The following CCDC134 variants were observed in gnomAD, a reference collection of about 807,000 sequenced individuals.
CCDC134 encodes the protein coiled-coil domain containing 134.
CCDC134 carries 27 observed loss-of-function variants against 25.6 expected under a neutral mutation model. The observed-to-expected ratio is 1.05, with a 90% CI of 0.78 to 1.45. The LOEUF is 1.45. Among genes scored for constraint, CCDC134 ranks in the 40% most tolerant of loss-of-function variants. The probability of loss-of-function intolerance (pLI) is 0.00; values close to 1 mark genes in which losing one functional copy is unlikely to be tolerated. For missense variants in CCDC134, 261 were observed against 286.7 expected (o/e 0.91, Z 0.65); for synonymous variants, 110 against 115.0 (o/e 0.96, Z 0.28).
chr22:41,815,448 A>G (rs1003140536), intron 6 of CCDC134, among the ~76,000 whole-genome samples: 8 of 151,348 alleles, frequency 5.3e-5, no homozygotes, highest in Non-Finnish European at 7.4e-5. Context: ...CGCGTGATCC[A>G]CCCGCCTCGG....
intron 1 of CCDC134, among the ~76,000 whole-genome samples, chr22:41,803,110 G>A (rs184211904): frequency 4.0e-5 from 6 of 151,774 alleles, no homozygotes; most frequent in Admixed American, 1.3e-4. Flanking sequence ...GCGAAACTCC[G>A]TCTCAAAAAA....
chr22:41,814,203 A>G (rs1347153674), intron 6 of CCDC134, among the ~76,000 whole-genome samples: 1 of 152,188 alleles, frequency 6.6e-6, no homozygotes, highest in Non-Finnish European at 1.5e-5. Context: ...ACTCCTGTAC[A>G]TGCTCTCATT....
At chr22:41,823,191 A>G (rs1183868792) in intron 6 of CCDC134, among the ~76,000 whole-genome samples, 1 of 150,668 alleles carries the variant, frequency 6.6e-6, no homozygotes, top group Non-Finnish European at 1.5e-5. Context: ...TTACTACAGC[A>G]TATTTCTGGT....
At chr22:41,809,383 C>T (rs2076583342) in intron 2 of CCDC134, among the ~76,000 whole-genome samples, 1 of 152,168 alleles carries the variant, frequency 6.6e-6, no homozygotes, top group African/African-American at 2.4e-5. Flanking sequence ...TTTGAGGTGT[C>T]CATAAGCCCA....
At position 41,813,362 on chromosome 22, in the gene CCDC134, A is replaced by G. The variant is rs766574164; in HGVS notation, c.409A>G (p.Asn137Asp). 1.2e-5 allele frequency: 20 copies of G among 1,613,998 alleles called. No individual in the cohort carries two copies. The highest frequency in any genetic ancestry group is 1.6e-5 in the Non-Finnish European group (19 of 1,180,050). ...HYYFDHNSNW[N>D]LLIRWGISFC... ...TTACTTTGACCACAACTCCAACTGG[A>G]ACCTCCTCATCCGCTGGGGTATCAG... Residue 137 changes from asparagine to aspartate, a missense_variant, in exon 5 of 7, where the codon AAC (asparagine) becomes GAC (aspartate). Asn to Asp is a conservative substitution (Grantham distance 23, BLOSUM62 1). Transcript: ENST00000255784.
At chr22:41,803,454 A>G (rs201154771) in intron 1 of CCDC134, among the ~76,000 whole-genome samples, 1 of 152,222 alleles carries the variant, frequency 6.6e-6, no homozygotes, top group East Asian at 1.9e-4. Context: ...AAATTTAAAA[A>G]GTAATAGGTA....
In CCDC134 at chr22:41,827,844, G is replaced by T. The variant is rs977079835; in HGVS notation, c.*2021G>T. On this transcript the variant is annotated 3_prime_UTR_variant, in exon 7 of 7. Coordinates refer to ENST00000255784, the MANE Select transcript of CCDC134 (RefSeq NM_024821.5). ...TGGAGCTGGGTGTCAGGACCAGCCC[G>T]CAAGCTCTTCCCTGCCGGAAGGACC... Among the ~76,000 whole-genome samples the T allele has an allele frequency of 3.3e-5, 5 of 152,186 alleles. No individual in the cohort carries two copies. Among genetic ancestry groups the T allele is most frequent in the Non-Finnish European group, 7.3e-5 (5 of 68,040 alleles).
chr22:41,817,434 G>A (rs1487812476), intron 6 of CCDC134, among the ~76,000 whole-genome samples: 3 of 152,060 alleles, frequency 2.0e-5, no homozygotes, highest in Non-Finnish European at 2.9e-5. Context: ...GCCCTAAAGA[G>A]GGGTGAGGGG....
At position 41,810,005 on chromosome 22, in the gene CCDC134, G is replaced by C. The variant is rs780065983; in HGVS notation, c.225+5G>C. On this transcript the variant is annotated splice_donor_5th_base_variant and intron_variant, in intron 3 of 6. Coordinates refer to ENST00000255784, the MANE Select transcript of CCDC134 (RefSeq NM_024821.5). ...ATGCTCAAGGGGCTCTTTAAGGTGT[G>C]TGCAGGCAGGGGGCAGCTCATGGCA... 3.1e-6 allele frequency: 5 copies of C among 1,614,060 alleles called. No individual in the cohort carries two copies. Among genetic ancestry groups the C allele is most frequent in the Non-Finnish European group, 4.2e-6 (5 of 1,179,984 alleles).
chr22:41,808,646 C>T (rs2076579443), intron 1 of CCDC134, among the ~76,000 whole-genome samples: 1 of 152,202 alleles, frequency 6.6e-6, no homozygotes, highest in Admixed American at 6.5e-5. Context: ...CTAAGTGTTC[C>T]TGTGTTACAC....
In CCDC134 at chr22:41,819,224, G is replaced by A. The variant is rs552671545; in HGVS notation, c.564+5402G>A. Among the ~76,000 whole-genome samples, 11 of 152,296 alleles carry A rather than the reference G, an allele frequency of 7.2e-5. No individual in the cohort carries two copies. In the South Asian group the frequency reaches 8.3e-4, roughly 11 times the overall value. On this transcript the variant is annotated intron_variant, in intron 6 of 6. Coordinates refer to ENST00000255784, the MANE Select transcript of CCDC134 (RefSeq NM_024821.5). ...ATGTACCCATCACTAGAGTCAACTC[G>A]TATCAGGCTGTGTGCCAGCCACTGT... is the stretch of plus-strand genomic sequence containing the variant.
chr22:41,820,376 C>T (rs759985578), intron 6 of CCDC134, among the ~76,000 whole-genome samples: 5 of 151,596 alleles, frequency 3.3e-5, no homozygotes, highest in African/African-American at 7.3e-5. Context: ...CTTGGCTCAC[C>T]ACAACCTCCG....
chr22:41,813,172 G>A, intron 4 of CCDC134, 92 bp from the exon 5 acceptor site: 1 of 1,320,180 alleles, frequency 7.6e-7, no homozygotes, highest in South Asian at 1.3e-5. Context: ...GGTGGGTTTG[G>A]TGGATGTCTC....
At chr22:41,820,892 G>C (rs1569358345) in intron 6 of CCDC134, among the ~76,000 whole-genome samples, 1 of 152,168 alleles carries the variant, frequency 6.6e-6, no homozygotes, top group Non-Finnish European at 1.5e-5. Flanking sequence ...CTATGTAGAA[G>C]GCACCAAAAG....
chr22:41,818,781 G>A (rs139573), intron 6 of CCDC134, among the ~76,000 whole-genome samples: 25,347 of 152,164 alleles, frequency 0.17, 3,069 homozygotes, highest in Admixed American at 0.36. Context: ...GAACAGCCAC[G>A]GCCTTCCGTT....
chr22:41,803,966 C>CA (rs2076555993), intron 1 of CCDC134, among the ~76,000 whole-genome samples: 1 of 151,494 alleles, frequency 6.6e-6, no homozygotes, highest in Non-Finnish European at 1.5e-5. Context: ...CCCGTCTCTA[C>CA]AAAAAATACA....
At position 41,810,226 on chromosome 22, in the gene CCDC134, C is replaced by G. The variant is rs779304497; in HGVS notation, c.245C>G (p.Thr82Arg). ...GLFKVLEDSR[T>R]VLTAADVLPD... ...CCTCAGGTGCTGGAGGACTCCCGGA[C>G]AGTGCTCACCGCTGCTGATGTGCTC... Residue 82 changes from threonine (T) to arginine (R), a missense_variant, in exon 4 of 7, where the codon ACA becomes AGA. Coordinates refer to ENST00000255784, the MANE Select transcript of CCDC134 (RefSeq NM_024821.5). 2.5e-6 allele frequency: 4 copies of G among 1,613,958 alleles called. No homozygotes were observed. The African/African-American group carries it at 4.0e-5, about 16-fold the overall frequency.
intron 6 of CCDC134, among the ~76,000 whole-genome samples, chr22:41,814,336 CG>C (rs2076612317): frequency 6.6e-6 from 1 of 152,052 alleles, no homozygotes; most frequent in African/African-American, 2.4e-5. Context: ...GAGGCCGAGG[CG>C]GGTGGATCAC....
Position 41,827,712 on chromosome 22 carries a change from C to T in CCDC134, c.*1889C>T, listed in dbSNP as rs2076686291. The stretch of plus-strand genomic sequence containing the variant: ...AGGATATTCCCTGTTATAGCTGAAG[C>T]GTGAATTGGCCTTATGTTCCCTGCC... On this transcript the variant is annotated 3_prime_UTR_variant, in exon 7 of 7. Transcript: ENST00000255784. 6.6e-6 allele frequency among the ~76,000 whole-genome samples: 1 copy of T among 152,206 alleles called. No homozygotes were observed. Among genetic ancestry groups the T allele is most frequent in the African/African-American group, 2.4e-5 (1 of 41,452 alleles).
Sources: allele counts gnomAD v4.1 joint callset (sites outside exome capture counted in the v4.1 genomes callset), GRCh38; gene constraint gnomAD v4.1.1; transcripts MANE v1.5; gene names NCBI Gene and HGNC (gene_info 2026-07-23, HGNC 2026-07-21).